The following ADGRB3 variants were observed in gnomAD, a reference collection of about 807,000 sequenced individuals.
ADGRB3 encodes adhesion G protein-coupled receptor B3, also known as brain-specific angiogenesis inhibitor 3.
In ADGRB3, 37 loss-of-function variants were observed where a neutral mutation model predicts 193.4. That is an observed-to-expected ratio of 0.19 (90% CI 0.15 to 0.25). The LOEUF is 0.25. ADGRB3 is among the 10% of genes least tolerant of loss of function. The probability of loss-of-function intolerance (pLI) is 1.00; values close to 1 mark genes in which losing one functional copy is unlikely to be tolerated. For missense variants in ADGRB3, 1,637 were observed against 1,852.9 expected (o/e 0.88, Z 2.14); for synonymous variants, 690 against 644.2 (o/e 1.07, Z -1.08).
chr6:69,194,115 C>T lies in ADGRB3; in HGVS notation c.2481-39175C>T, dbSNP rs150612482. Reference sequence around the variant, plus strand: ...CCTCTCTTATTTCTCTATTTACCTCCGGTGTGGCCATAAATTTCTAAAACA... The same window carrying T: ...CCTCTCTTATTTCTCTATTTACCTCTGGTGTGGCCATAAATTTCTAAAACA... On this transcript the variant is annotated intron_variant, in intron 17 of 31. Coordinates refer to ENST00000370598, the MANE Select transcript of ADGRB3 (RefSeq NM_001704.3). Among the ~76,000 whole-genome samples the T allele has an allele frequency of 2.3e-3, 348 of 151,962 alleles. 4 individuals carry two copies. Among genetic ancestry groups the T allele is most frequent in the African/African-American group, 8.2e-3 (339 of 41,472 alleles).
intron 20 of ADGRB3, among the ~76,000 whole-genome samples, chr6:69,289,789 T>C (rs1767627275): frequency 6.6e-6 from 1 of 151,676 alleles, no homozygotes; most frequent in African/African-American, 2.4e-5. Context: ...TTTCCGCTGG[T>C]TTTCCAATTG....
intron 17 of ADGRB3, among the ~76,000 whole-genome samples, chr6:69,146,281 G>A (rs1224674366): frequency 6.6e-6 from 1 of 152,214 alleles, no homozygotes; most frequent in Non-Finnish European, 1.5e-5. Context: ...ACCTGGCCAG[G>A]TTGTGACAGT....
At chr6:69,000,108 A>G (rs1769523514) in intron 11 of ADGRB3, among the ~76,000 whole-genome samples, 1 of 152,238 alleles carries the variant, frequency 6.6e-6, no homozygotes, top group Non-Finnish European at 1.5e-5. Flanking sequence ...CATATTTAAA[A>G]TCAAATTTCA....
intron 17 of ADGRB3, among the ~76,000 whole-genome samples, chr6:69,188,680 G>A (rs992895057): frequency 6.6e-6 from 1 of 151,940 alleles, no homozygotes; most frequent in Non-Finnish European, 1.5e-5. Flanking sequence ...ATCACTGCAT[G>A]CTCAAAGCCT....
chr6:69,303,935 C>G (rs925307229), intron 20 of ADGRB3, among the ~76,000 whole-genome samples: 2 of 151,884 alleles, frequency 1.3e-5, no homozygotes, highest in Non-Finnish European at 2.9e-5. Flanking sequence ...AGAGTGCTTT[C>G]TAGAACTCGA....
At chr6:68,709,902 A>G (rs1480918579) in intron 3 of ADGRB3, among the ~76,000 whole-genome samples, 1 of 152,216 alleles carries the variant, frequency 6.6e-6, no homozygotes, top group East Asian at 1.9e-4. Flanking sequence ...GAAAACCACT[A>G]CATTTTTGGC....
intron 17 of ADGRB3, among the ~76,000 whole-genome samples, chr6:69,172,775 G>A (rs919110257): frequency 1.3e-5 from 2 of 151,922 alleles, no homozygotes; most frequent in Non-Finnish European, 2.9e-5. Flanking sequence ...GTCAGGGGAG[G>A]CCTTCTTGAG....
chr6:69,377,493 C>T (rs1358393517), intron 30 of ADGRB3, among the ~76,000 whole-genome samples: 1 of 151,964 alleles, frequency 6.6e-6, no homozygotes, highest in African/African-American at 2.4e-5. Flanking sequence ...TAGAAGCCAG[C>T]CATAAAGGAC....
intron 3 of ADGRB3, among the ~76,000 whole-genome samples, chr6:68,811,058 C>T (rs965802128): frequency 6.6e-6 from 1 of 151,854 alleles, no homozygotes; most frequent in African/African-American, 2.4e-5. Context: ...ATTGTTTACC[C>T]TATGGTTTTA....
rs373913010 is a variant in ADGRB3, at chr6:69,260,536, A to G, written c.2814+21310A>G. 7.9e-5 allele frequency among the ~76,000 whole-genome samples: 12 copies of G among 152,304 alleles called. No individual in the cohort carries two copies. In the East Asian group the frequency reaches 2.3e-3, roughly 29 times the overall value. Reference sequence around the variant, plus strand: ...TGTCTCAAATCCTAACTCTGTCACCAGTCAAAAGATGACTTGGGCACGTCT... The same window carrying G: ...TGTCTCAAATCCTAACTCTGTCACCGGTCAAAAGATGACTTGGGCACGTCT... On this transcript the variant is annotated intron_variant, in intron 20 of 31. Coordinates refer to ENST00000370598, the MANE Select transcript of ADGRB3 (RefSeq NM_001704.3).
chr6:69,378,695 A>G (rs1196678375), intron 30 of ADGRB3, among the ~76,000 whole-genome samples: 1 of 152,020 alleles, frequency 6.6e-6, no homozygotes, highest in Non-Finnish European at 1.5e-5. Flanking sequence ...AGACCACACA[A>G]CTTAAAAGTG....
At chr6:68,695,519 C>T (rs1765142390) in intron 3 of ADGRB3, among the ~76,000 whole-genome samples, 1 of 151,962 alleles carries the variant, frequency 6.6e-6, no homozygotes. Context: ...CTTTCTCATT[C>T]CAAGATGGCG....
intron 19 of ADGRB3, among the ~76,000 whole-genome samples, chr6:69,238,838 G>T (rs1361912796): frequency 6.6e-6 from 1 of 151,680 alleles, no homozygotes; most frequent in Non-Finnish European, 1.5e-5. Context: ...AGTGTATCAT[G>T]ACAACAGATG....
chr6:69,109,265 G>A (rs1773301547), intron 17 of ADGRB3, among the ~76,000 whole-genome samples: 1 of 152,112 alleles, frequency 6.6e-6, no homozygotes, highest in African/African-American at 2.4e-5. Flanking sequence ...AGTGTCTTTA[G>A]TAGTTTAAAG....
At chr6:68,742,617 T>C (rs148795882) in intron 3 of ADGRB3, among the ~76,000 whole-genome samples, 68 of 152,184 alleles carry the variant, frequency 4.5e-4, no homozygotes, top group African/African-American at 1.6e-3. Flanking sequence ...GCCTACCACA[T>C]AGATTTTCTG....
intron 8 of ADGRB3, among the ~76,000 whole-genome samples, chr6:68,969,228 T>G (rs1768484490): frequency 6.6e-6 from 1 of 152,174 alleles, no homozygotes; most frequent in Admixed American, 6.6e-5. Context: ...AATATTCATA[T>G]ATTCAATAAC....
intron 23 of ADGRB3, chr6:69,331,708 C>T: frequency 1.0e-6 from 1 of 985,270 alleles, no homozygotes; most frequent in Non-Finnish European, 1.2e-6. Flanking sequence ...CCCTAAGCTT[C>T]TAGGTTAATG....
chr6:68,825,872 TA>T (rs573791290), intron 3 of ADGRB3, among the ~76,000 whole-genome samples: 138 of 152,318 alleles, frequency 9.1e-4, no homozygotes, highest in African/African-American at 3.3e-3. Context: ...CTTTTTCCTT[TA>T]TAAATTACCC....
intron 3 of ADGRB3, among the ~76,000 whole-genome samples, chr6:68,790,032 G>A (rs1345882620): frequency 6.6e-6 from 1 of 152,068 alleles, no homozygotes; most frequent in African/African-American, 2.4e-5. Flanking sequence ...CTCTGCATTG[G>A]TTATTCTAGT....
Sources: gnomAD v4.1 joint callset for allele counts (sites outside exome capture counted in the v4.1 genomes callset) on GRCh38, gnomAD v4.1.1 for gene constraint, MANE v1.5 for transcripts, NCBI Gene and HGNC (gene_info 2026-07-23, HGNC 2026-07-21) for gene names.